The following MINDY4 variants were observed in gnomAD, a reference collection of about 807,000 sequenced individuals.
MINDY4 encodes MINDY lysine 48 deubiquitinase 4.
MINDY4 carries 68 observed loss-of-function variants against 87.0 expected under a neutral mutation model. The ratio of observed to expected loss-of-function variants is 0.78; its 90% CI spans 0.64 to 0.96. The LOEUF is 0.96. Ranked by LOEUF, MINDY4 falls within the 40% of genes least tolerant of loss-of-function variation. The pLI is 0.00. For synonymous variants in MINDY4, 379 were observed against 363.2 expected (o/e 1.04, Z -0.50); for missense variants, 919 against 928.2 (o/e 0.99, Z 0.13).
intron 13 of MINDY4, among the ~76,000 whole-genome samples, chr7:30,862,624 A>G (rs760897655): frequency 6.6e-6 from 1 of 152,208 alleles, no homozygotes; most frequent in Non-Finnish European, 1.5e-5. Flanking sequence ...GCCTTTCTCT[A>G]CAGACATTTG....
At chr7:30,889,216 T>A (rs1790721628) in intron 17 of MINDY4, among the ~76,000 whole-genome samples, 1 of 152,166 alleles carries the variant, frequency 6.6e-6, no homozygotes, top group Non-Finnish European at 1.5e-5. Context: ...AATGACACAC[T>A]CCAAACTGCA....
intron 5 of MINDY4, among the ~76,000 whole-genome samples, chr7:30,806,404 A>G (rs929968841): frequency 5.3e-5 from 8 of 152,230 alleles, no homozygotes; most frequent in African/African-American, 1.9e-4. Flanking sequence ...AAAATATATC[A>G]AATATTTGGC....
chr7:30,812,752 C>A (rs1028415043), intron 5 of MINDY4, among the ~76,000 whole-genome samples: 13 of 152,168 alleles, frequency 8.5e-5, no homozygotes, highest in African/African-American at 2.9e-4. Context: ...TTCCCACCCC[C>A]CTTTTCCAGA....
At chr7:30,843,426 C>T (rs1335799731) in intron 9 of MINDY4, among the ~76,000 whole-genome samples, 1 of 152,204 alleles carries the variant, frequency 6.6e-6, no homozygotes, top group Non-Finnish European at 1.5e-5. Context: ...AGGAGATTGT[C>T]TCTAAACTCA....
intron 5 of MINDY4, among the ~76,000 whole-genome samples, chr7:30,811,422 A>C (rs988034758): frequency 6.6e-6 from 1 of 152,202 alleles, no homozygotes; most frequent in Non-Finnish European, 1.5e-5. Context: ...CAAGTGTACT[A>C]TATCAGTCAC....
intron 3 of MINDY4, among the ~76,000 whole-genome samples, chr7:30,783,500 T>G (rs1186613416): frequency 1.3e-5 from 2 of 152,026 alleles, no homozygotes; most frequent in Non-Finnish European, 2.9e-5. Flanking sequence ...CATGAGGGAG[T>G]TATTTATATC....
rs761507724 is a variant in MINDY4 at position 30,859,249 on chromosome 7, C to T, written c.1678-8C>T. On this transcript the variant is annotated splice_polypyrimidine_tract_variant and splice_region_variant and intron_variant, in intron 12 of 17. Transcript: ENST00000265299. ...GGGATGGAGCTCATTTTTCTCTCCCCCTCCCAGTTTGAAGTGGGCCCCTAT... is the reference window on the plus strand; with the variant it reads ...GGGATGGAGCTCATTTTTCTCTCCCTCTCCCAGTTTGAAGTGGGCCCCTAT... 6.2e-6 allele frequency: 10 copies of T among 1,613,814 alleles called. No individual in the cohort carries two copies. Among genetic ancestry groups the T allele is most frequent in the East Asian group, 2.2e-5 (1 of 44,884 alleles).
chr7:30,791,124 C>T, intron 4 of MINDY4, 41 bp from the exon 5 acceptor site: 1 of 1,539,768 alleles, frequency 6.5e-7, no homozygotes, highest in Non-Finnish European at 8.8e-7. Context: ...TTCCAGCTCC[C>T]CTCAAAGGGT....
At chr7:30,822,433 A>G (rs866891858) in intron 5 of MINDY4, among the ~76,000 whole-genome samples, 2 of 152,132 alleles carry the variant, frequency 1.3e-5, no homozygotes, top group Admixed American at 1.3e-4. Flanking sequence ...AGCCTCCTAA[A>G]GTGTTGGGAT....
At chr7:30,832,585 C>T (rs1175171448) in intron 6 of MINDY4, among the ~76,000 whole-genome samples, 1 of 152,166 alleles carries the variant, frequency 6.6e-6, no homozygotes, top group Non-Finnish European at 1.5e-5. Flanking sequence ...TTACTGCACC[C>T]TCCGCCCTCT....
chr7:30,857,424 A>G (rs553181587), intron 12 of MINDY4, among the ~76,000 whole-genome samples: 2 of 144,196 alleles, frequency 1.4e-5, no homozygotes, highest in South Asian at 2.2e-4. Flanking sequence ...TTCTTCCCTA[A>G]GTTATTTCCC....
intron 5 of MINDY4, among the ~76,000 whole-genome samples, chr7:30,808,857 A>G (rs888747376): frequency 9.2e-5 from 14 of 152,102 alleles, no homozygotes; most frequent in African/African-American, 3.1e-4. Context: ...ACAGCAGCAT[A>G]AACAGCTGGC....
In MINDY4 at chr7:30,782,002, G is replaced by A. The variant is rs751977891; in HGVS notation, c.209G>A (p.Ser70Asn). Reference protein sequence around the residue: ...NKAKENPLKTSLELITRYFLD... With the variant: ...NKAKENPLKTNLELITRYFLD... ...GCAAAGGAAAATCCTCTAAAAACAA[G>A]CCTTGAACTCATCACCAGATACTTT... is the stretch of plus-strand genomic sequence containing the variant. Residue 70 changes from serine to asparagine, a missense_variant, in exon 3 of 18, where the codon AGC becomes AAC. Transcript: ENST00000265299. 3 of 1,613,782 alleles carry A rather than the reference G, an allele frequency of 1.9e-6. No homozygotes were observed. In the South Asian group the frequency reaches 3.3e-5, roughly 18 times the overall value.
intron 5 of MINDY4, among the ~76,000 whole-genome samples, chr7:30,819,387 G>A (rs1290759137): frequency 1.3e-5 from 2 of 152,074 alleles, no homozygotes; most frequent in Non-Finnish European, 2.9e-5. Context: ...AACACAGTTT[G>A]GAATTTTTTG....
intron 5 of MINDY4, among the ~76,000 whole-genome samples, chr7:30,820,079 T>A (rs1788281114): frequency 6.6e-6 from 1 of 151,048 alleles, no homozygotes; most frequent in South Asian, 2.1e-4. Context: ...TTTTTTGTAT[T>A]TTTAGTAGAG....
intron 5 of MINDY4, among the ~76,000 whole-genome samples, chr7:30,804,318 A>G (rs1787744040): frequency 6.6e-6 from 1 of 152,218 alleles, no homozygotes; most frequent in Non-Finnish European, 1.5e-5. Context: ...TTTCCTGTTG[A>G]GGCCAGTTTT....
chr7:30,846,949 T>A (rs552682257), intron 9 of MINDY4, among the ~76,000 whole-genome samples: 1 of 152,218 alleles, frequency 6.6e-6, no homozygotes, highest in Non-Finnish European at 1.5e-5. Context: ...CGTCCGCTGC[T>A]CACCTCCTGC....
At chr7:30,846,832 C>T (rs538610819) in intron 9 of MINDY4, among the ~76,000 whole-genome samples, 15 of 152,300 alleles carry the variant, frequency 9.8e-5, no homozygotes, top group African/African-American at 3.1e-4. Context: ...ATAAGGAGCG[C>T]GCAACCTAGA....
intron 9 of MINDY4, among the ~76,000 whole-genome samples, chr7:30,847,847 C>G (rs1246270771): frequency 6.6e-6 from 1 of 152,168 alleles, no homozygotes; most frequent in Non-Finnish European, 1.5e-5. Context: ...TCAAGCAATC[C>G]TTCTGCCTCA....
Sources: allele counts gnomAD v4.1 joint callset (sites outside exome capture counted in the v4.1 genomes callset), GRCh38; gene constraint gnomAD v4.1.1; transcripts MANE v1.5; gene names NCBI Gene and HGNC (gene_info 2026-07-23, HGNC 2026-07-21).